The following KIAA1549L variants were observed in gnomAD, a reference collection of about 807,000 sequenced individuals.
The protein encoded by KIAA1549L is UPF0606 protein KIAA1549L.
KIAA1549L carries 88 observed loss-of-function variants against 160.7 expected under a neutral mutation model. The ratio of observed to expected loss-of-function variants is 0.55; its 90% CI spans 0.46 to 0.65. KIAA1549L has a LOEUF of 0.65. Ranked by LOEUF, KIAA1549L falls within the 30% of genes least tolerant of loss-of-function variation. The pLI is 0.00. For missense variants in KIAA1549L, 2,258 were observed against 2,437.5 expected (o/e 0.93, Z 1.55); for synonymous variants, 950 against 976.7 (o/e 0.97, Z 0.51).
At chr11:33,534,503 A>G (rs1038789111) in intron 1 of KIAA1549L, among the ~76,000 whole-genome samples, 1 of 152,156 alleles carries the variant, frequency 6.6e-6, no homozygotes, top group African/African-American at 2.4e-5. Context: ...AAGGAGAGAC[A>G]CTGGGGAGTC....
intron 12 of KIAA1549L, 30 bp downstream of exon 12, chr11:33,591,451 G>T: frequency 6.5e-7 from 1 of 1,535,892 alleles, no homozygotes; most frequent in Non-Finnish European, 8.9e-7. Flanking sequence ...CTGCCTCTCT[G>T]TGTCAGCAAG....
At chr11:33,572,038 A>C (rs1855276035) in intron 9 of KIAA1549L, among the ~76,000 whole-genome samples, 1 of 145,440 alleles carries the variant, frequency 6.9e-6, no homozygotes, top group Non-Finnish European at 1.5e-5. Context: ...TTTATTATGA[A>C]CTTTTTTTTT....
chr11:33,387,142 A>C (rs1446131131), intron 1 of KIAA1549L, among the ~76,000 whole-genome samples: 1 of 152,080 alleles, frequency 6.6e-6, no homozygotes, highest in Non-Finnish European at 1.5e-5. Flanking sequence ...ATAAAATGAG[A>C]GAGAAGTATT....
intron 1 of KIAA1549L, among the ~76,000 whole-genome samples, chr11:33,419,652 C>A (rs2134100411): frequency 1.3e-5 from 2 of 152,098 alleles, no homozygotes; most frequent in African/African-American, 4.8e-5. Flanking sequence ...TTGAGACCAG[C>A]CTGGTCAACA....
rs111576608 is a variant in KIAA1549L, at chr11:33,447,529, C to G, written c.238+70640C>G. On this transcript the variant is annotated intron_variant, in intron 1 of 20. Coordinates refer to ENST00000658780, the MANE Select transcript of KIAA1549L (RefSeq NM_012194.3). ...ACCTACCCATCCATCCTTCCACTCA[C>G]CCATCTATCCACCCATGCGTGCATG... Among the ~76,000 whole-genome samples the G allele has an allele frequency of 5.8e-5, 8 of 138,990 alleles. 1 individual carries two copies. The highest frequency in any genetic ancestry group is 2.2e-4 in the African/African-American group (8 of 37,112). 91.2% of individuals were successfully genotyped at this position (138,990 alleles called of 152,430 possible). A position where few individuals can be genotyped will look rare whatever the true frequency, so the allele number is the denominator to read the frequency against.
At chr11:33,634,891 G>A (rs768935998) in intron 16 of KIAA1549L, among the ~76,000 whole-genome samples, 13 of 152,114 alleles carry the variant, frequency 8.5e-5, no homozygotes, top group South Asian at 2.1e-4. Context: ...TGGAGTGATC[G>A]TAGATCATCC....
intron 16 of KIAA1549L, among the ~76,000 whole-genome samples, chr11:33,644,773 A>G (rs7949170): frequency 0.7 from 107,106 of 152,252 alleles, 38,559 homozygotes; most frequent in African/African-American, 0.88. Flanking sequence ...CAGCCTCCCC[A>G]TATTGCCTTG....
At chr11:33,425,930 C>A (rs1301738309) in intron 1 of KIAA1549L, among the ~76,000 whole-genome samples, 1 of 152,168 alleles carries the variant, frequency 6.6e-6, no homozygotes, top group African/African-American at 2.4e-5. Context: ...AAATTAAGGG[C>A]AGTTCTACAA....
At chr11:33,481,665 C>T (rs1292152907) in intron 1 of KIAA1549L, among the ~76,000 whole-genome samples, 1 of 152,190 alleles carries the variant, frequency 6.6e-6, no homozygotes, top group Non-Finnish European at 1.5e-5. Flanking sequence ...TCAATAACTG[C>T]AGCTTTATAA....
At chr11:33,620,735 G>A (rs749796639) in intron 16 of KIAA1549L, among the ~76,000 whole-genome samples, 30 of 151,912 alleles carry the variant, frequency 2.0e-4, no homozygotes, top group African/African-American at 3.9e-4. Context: ...CTATCCTTAC[G>A]TAATATAATC....
Position 33,529,924 on chromosome 11 carries a change from A to G in KIAA1549L, c.239-11878A>G, listed in dbSNP as rs146422865. Among the ~76,000 whole-genome samples the G allele has an allele frequency of 2.4e-3, 359 of 152,196 alleles. 3 individuals are homozygous for G. Among genetic ancestry groups the G allele is most frequent in the African/African-American group, 8.1e-3 (338 of 41,530 alleles). On this transcript the variant is annotated intron_variant, in intron 1 of 20. Transcript: ENST00000658780. ...GAGGTTTACATTTAGGCCTTTACAAAATGGTGTGAAGCCCTAGTAAGATGT... is the reference window on the plus strand; with the variant it reads ...GAGGTTTACATTTAGGCCTTTACAAGATGGTGTGAAGCCCTAGTAAGATGT...
intron 10 of KIAA1549L, among the ~76,000 whole-genome samples, chr11:33,583,052 A>G (rs1185730791): frequency 1.3e-5 from 2 of 152,112 alleles, no homozygotes; most frequent in African/African-American, 2.4e-5. Flanking sequence ...TCTTCCTCTC[A>G]GTAGTAGTGA....
intron 1 of KIAA1549L, among the ~76,000 whole-genome samples, chr11:33,420,241 T>TG (rs1179059014): frequency 4.6e-4 from 68 of 149,382 alleles, no homozygotes; most frequent in East Asian, 2.6e-3. Context: ...TTTTGTTTTT[T>TG]TTTTTTTTTT....
chr11:33,490,867 G>A (rs1373229214), intron 1 of KIAA1549L, among the ~76,000 whole-genome samples: 1 of 152,184 alleles, frequency 6.6e-6, no homozygotes, highest in African/African-American at 2.4e-5. Context: ...GGGCCTGAGA[G>A]TCTGAGTTTC....
chr11:33,630,253 C>G (rs1009421573), intron 16 of KIAA1549L, among the ~76,000 whole-genome samples: 1 of 152,382 alleles, frequency 6.6e-6, no homozygotes, highest in East Asian at 1.9e-4. Context: ...GCCCTGCCCC[C>G]AGAGGTGGAG....
At chr11:33,605,805 C>T (rs956396441) in intron 13 of KIAA1549L, among the ~76,000 whole-genome samples, 1 of 152,204 alleles carries the variant, frequency 6.6e-6, no homozygotes, top group Non-Finnish European at 1.5e-5. Context: ...TAGCCATGCT[C>T]AATAAGCTGT....
chr11:33,414,780 G>GT (rs1850855655), intron 1 of KIAA1549L, among the ~76,000 whole-genome samples: 1 of 152,084 alleles, frequency 6.6e-6, no homozygotes, highest in Admixed American at 6.6e-5. Flanking sequence ...TAAATAATGT[G>GT]TTTTTATCAT....
At chr11:33,470,454 C>A (rs1852154960) in intron 1 of KIAA1549L, among the ~76,000 whole-genome samples, 2 of 150,530 alleles carry the variant, frequency 1.3e-5, no homozygotes, top group Non-Finnish European at 3.0e-5. Context: ...TTGGTTTTGG[C>A]TTTTTTTTTC....
chr11:33,406,266 G>A (rs1850650394), intron 1 of KIAA1549L, among the ~76,000 whole-genome samples: 2 of 152,196 alleles, frequency 1.3e-5, no homozygotes, highest in South Asian at 2.1e-4. Context: ...CAACACACCC[G>A]CTGTTTGCAT....
Sources: gnomAD v4.1 joint callset for allele counts (sites outside exome capture counted in the v4.1 genomes callset) on GRCh38, gnomAD v4.1.1 for gene constraint, MANE v1.5 for transcripts, NCBI Gene and HGNC (gene_info 2026-07-23, HGNC 2026-07-21) for gene names.